Variants in CD247 observed in about 807,000 individuals in gnomAD.
CD247 encodes CD247 molecule, also known as T-cell surface glycoprotein CD3 zeta chain.
Under a neutral mutation model 30.0 loss-of-function variants are expected in CD247, and 13 were observed. That is an observed-to-expected ratio of 0.43 (90% CI 0.28 to 0.69). The LOEUF is 0.69. Ranked by LOEUF, CD247 falls within the 30% of genes least tolerant of loss-of-function variation. The pLI is 0.16. For synonymous variants in CD247, 72 were observed against 80.0 expected, an observed-to-expected ratio of 0.90 and a Z score of 0.53; for missense variants, 193 against 212.6, an observed-to-expected ratio of 0.91 and a Z score of 0.57.
chr1:167,464,482 A>G (rs926246878), intron 1 of CD247, among the ~76,000 whole-genome samples: 5 of 152,216 alleles, frequency 3.3e-5, no homozygotes, highest in African/African-American at 1.2e-4. Flanking sequence ...AGAACGGCTC[A>G]GAAATAGTCC....
chr1:167,486,593 G>A (rs1396044567), intron 1 of CD247, among the ~76,000 whole-genome samples: 2 of 152,236 alleles, frequency 1.3e-5, no homozygotes, highest in Non-Finnish European at 2.9e-5. Context: ...TGCCACTGAC[G>A]GCAAGCAGAT....
chr1:167,483,739 T>A (rs1654073447), intron 1 of CD247, among the ~76,000 whole-genome samples: 1 of 152,240 alleles, frequency 6.6e-6, no homozygotes. Flanking sequence ...GGTGGCACAA[T>A]GTGCCCAGTG....
chr1:167,486,945 G>A (rs530583595), intron 1 of CD247, among the ~76,000 whole-genome samples: 19 of 151,552 alleles, frequency 1.3e-4, no homozygotes, highest in African/African-American at 4.1e-4. Flanking sequence ...GTGGTGGAGG[G>A]TGCCTGTAAT....
intron 1 of CD247, among the ~76,000 whole-genome samples, chr1:167,501,999 G>A (rs1217082991): frequency 6.6e-6 from 1 of 152,222 alleles, no homozygotes; most frequent in African/African-American, 2.4e-5. Context: ...CGGTGCTCCC[G>A]AGATGGGAGG....
chr1:167,437,119 A>G (rs1357121678), intron 4 of CD247, among the ~76,000 whole-genome samples: 1 of 152,092 alleles, frequency 6.6e-6, no homozygotes, highest in Non-Finnish European at 1.5e-5. Flanking sequence ...AACAATAACC[A>G]AGGCTGGGTG....
At chr1:167,453,027 G>T (rs1245160959) in intron 1 of CD247, among the ~76,000 whole-genome samples, 33 of 45,542 alleles carry the variant, frequency 7.2e-4, no homozygotes, top group Admixed American at 3.3e-3. Context: ...ATATATTATA[G>T]ATATATATTA....
chr1:167,516,099 T>C (rs1409848188), intron 1 of CD247, among the ~76,000 whole-genome samples: 2 of 152,244 alleles, frequency 1.3e-5, no homozygotes, highest in East Asian at 3.8e-4. Flanking sequence ...GCCACCTTCC[T>C]AAAAGCAGAG....
At chr1:167,472,342 T>A (rs1653567634) in intron 1 of CD247, among the ~76,000 whole-genome samples, 1 of 152,214 alleles carries the variant, frequency 6.6e-6, no homozygotes, top group Non-Finnish European at 1.5e-5. Flanking sequence ...TTGGGGGTAC[T>A]ATTTTCAATG....
chr1:167,476,031 A>G (rs148445375), intron 1 of CD247, among the ~76,000 whole-genome samples: 77 of 152,332 alleles, frequency 5.1e-4, no homozygotes, highest in African/African-American at 1.8e-3. Context: ...TCTTTTGGAA[A>G]TACACACTAA....
At chr1:167,470,504 T>TAAA (rs55679205) in intron 1 of CD247, among the ~76,000 whole-genome samples, 177 of 122,420 alleles carry the variant, frequency 1.4e-3, no homozygotes, top group Middle Eastern at 4.0e-3. Context: ...ATGTTAATTG[T>TAAA]AAAAAAAAAA....
At chr1:167,478,398 A>G (rs1653839963) in intron 1 of CD247, among the ~76,000 whole-genome samples, 1 of 152,268 alleles carries the variant, frequency 6.6e-6, no homozygotes, top group Admixed American at 6.5e-5. Context: ...TGTTAAGCTT[A>G]GAAAAGACTT....
In CD247 at chr1:167,431,336, C is replaced by T. The variant is rs1557989652; in HGVS notation, c.*345G>A. ...GCATGTGCTAGCATCTGCGCTTTCT[C>T]TGGGGACTTTACAAAACAGACTCAA... On this transcript the variant is annotated 3_prime_UTR_variant, in exon 8 of 8. Coordinates refer to ENST00000362089, the MANE Select transcript of CD247 (RefSeq NM_198053.3). The T allele has an allele frequency of 1.7e-6, 1 of 592,032 alleles. No individual in the cohort carries two copies. The highest frequency in any genetic ancestry group is 3.0e-5 in the Admixed American group (1 of 33,698). The allele number at this position is 592,032 out of a possible 1,614,324, so 36.7% of individuals were successfully genotyped here.
At chr1:167,440,431 G>C in intron 2 of CD247, 1 of 589,800 alleles carries the variant, frequency 1.7e-6, no homozygotes, top group Non-Finnish European at 3.0e-6. Context: ...TGTACGGCTT[G>C]TCATGGAGGT....
At chr1:167,487,886 A>G (rs1654280890) in intron 1 of CD247, among the ~76,000 whole-genome samples, 1 of 152,094 alleles carries the variant, frequency 6.6e-6, no homozygotes, top group Non-Finnish European at 1.5e-5. Context: ...ATCTACCACC[A>G]CATCTGACTA....
At chr1:167,450,175 T>C (rs1652287200) in intron 1 of CD247, among the ~76,000 whole-genome samples, 1 of 152,178 alleles carries the variant, frequency 6.6e-6, no homozygotes, top group Non-Finnish European at 1.5e-5. Flanking sequence ...TAAAGCTTTT[T>C]ACAGGATTGG....
At chr1:167,441,320 C>T (rs1160123983) in intron 1 of CD247, among the ~76,000 whole-genome samples, 1 of 152,206 alleles carries the variant, frequency 6.6e-6, no homozygotes, top group Non-Finnish European at 1.5e-5. Flanking sequence ...CAAGCACTCT[C>T]CCGCCTAGGA....
chr1:167,452,629 G>C (rs34770204), intron 1 of CD247, among the ~76,000 whole-genome samples: 4 of 152,030 alleles, frequency 2.6e-5, no homozygotes, highest in Non-Finnish European at 4.4e-5. Context: ...TAGCCTCCCA[G>C]CCGAGCAGAG....
intron 1 of CD247, among the ~76,000 whole-genome samples, chr1:167,450,488 T>C (rs1412904380): frequency 6.6e-6 from 1 of 151,680 alleles, no homozygotes; most frequent in Non-Finnish European, 1.5e-5. Flanking sequence ...AGTGAGACCC[T>C]GTCTCAAAAA....
chr1:167,471,339 T>C (rs188296288), intron 1 of CD247, among the ~76,000 whole-genome samples: 2 of 152,340 alleles, frequency 1.3e-5, no homozygotes, highest in East Asian at 3.8e-4. Context: ...AGGGCTGACT[T>C]ACTTTCCAGA....
Sources: allele counts gnomAD v4.1 joint callset (sites outside exome capture counted in the v4.1 genomes callset), GRCh38; gene constraint gnomAD v4.1.1; transcripts MANE v1.5; gene names NCBI Gene and HGNC (gene_info 2026-07-23, HGNC 2026-07-21).